The following DNAH1 variants were observed in gnomAD, a reference collection of about 807,000 sequenced individuals.
DNAH1 encodes dynein axonemal heavy chain 1, also known as axonemal beta dynein heavy chain 1.
A neutral mutation model predicts 484.3 loss-of-function variants in DNAH1; 327 were observed. That is an observed-to-expected ratio of 0.68 (90% CI 0.62 to 0.74). DNAH1 has a LOEUF of 0.74. Ranked by LOEUF, DNAH1 falls within the 30% of genes least tolerant of loss-of-function variation. The pLI is 0.00. For missense variants in DNAH1, 5,052 were observed against 5,546.8 expected (o/e 0.91, Z 2.83); for synonymous variants, 2,192 against 2,191.9 (o/e 1.00, Z 0.00).
At chr3:52,370,305 AAG>A (rs1703278254) in intron 39 of DNAH1, 76 bp downstream of exon 39, 3 of 1,571,320 alleles carry the variant, frequency 1.9e-6, no homozygotes, top group East Asian at 2.3e-5. Flanking sequence ...TGGGGCCTGA[AAG>A]AGAGAATTGG....
Position 52,363,128 on chromosome 3 carries a change from A to C in DNAH1, c.5228A>C (p.Glu1743Ala). 6.2e-7 allele frequency: 1 copy of C among 1,613,902 alleles called. No individual in the cohort carries two copies. Among genetic ancestry groups the C allele is most frequent in the Non-Finnish European group, 8.5e-7 (1 of 1,179,838 alleles). ...KITTTFKLSS[E>A]QLSSQDHYDF... is the part of the protein sequence containing the mutation. ...ACAACCACCTTCAAGCTGTCTTCTG[A>C]GCAGCTCAGCTCCCAGGTGTGGTCC... Residue 1743 changes from glutamate to alanine, a missense_variant, in exon 32 of 78, where the codon GAG (glutamate) becomes GCG (alanine). Physicochemically the swap from Glu to Ala is moderately radical, Grantham distance 107. This residue lies in a region of DNAH1 where 2,929 missense variants were observed against 3,409.4 expected (regional missense o/e 0.86). Coordinates refer to ENST00000420323, the MANE Select transcript of DNAH1 (RefSeq NM_015512.5).
chr3:52,386,757 A>G lies in DNAH1; in HGVS notation c.8907A>G (p.Glu2969=), dbSNP rs775377913. ...TCAAGCCCAAGAAGGTGCCTGGAGAAAAGCCAGGCACCAAGGTGGATGACT... is the reference window on the plus strand; with the variant it reads ...TCAAGCCCAAGAAGGTGCCTGGAGAGAAGCCAGGCACCAAGGTGGATGACT... ...KGIKPKKVPG[E]KPGTKVDDYW... is the part of the protein sequence containing the mutation. Residue 2969 remains glutamate (E), a synonymous_variant, in exon 56 of 78, where the codon GAA becomes GAG. Coordinates refer to ENST00000420323, the MANE Select transcript of DNAH1 (RefSeq NM_015512.5). 4.4e-6 allele frequency: 7 copies of G among 1,587,912 alleles called. No individual in the cohort carries two copies. Among genetic ancestry groups the G allele is most frequent in the Non-Finnish European group, 5.1e-6 (6 of 1,167,482 alleles).
intron 65 of DNAH1, 100 bp downstream of exon 65, chr3:52,393,125 C>A: frequency 6.8e-7 from 1 of 1,463,984 alleles, no homozygotes; most frequent in Admixed American, 1.8e-5. Context: ...TGTTCACTGG[C>A]GTACACTCTC....
chr3:52,379,983 C>T lies in DNAH1; in HGVS notation c.7456C>T (p.Arg2486Cys), dbSNP rs755633690. The change falls in exon 48 of 78, where the codon CGC (arginine) becomes TGC (cysteine). Residue 2486 changes from arginine (R) to cysteine (C), a missense_variant. This residue lies in a region of DNAH1 where 2,929 missense variants were observed against 3,409.4 expected (regional missense o/e 0.86). Transcript: ENST00000420323. This position sits in a 1 kb window ranked among gnomAD's most constrained non-coding sequence, Gnocchi z 4.4. The stretch of plus-strand genomic sequence containing the variant: ...GGACCGACTGGTGAATGAGGAGGAC[C>T]GCAGCTGGTTCGACCAGCTCCTCAA... Reference protein sequence around the residue: ...FRDRLVNEEDRSWFDQLLKRC... With the variant: ...FRDRLVNEEDCSWFDQLLKRC... 18 of 1,587,452 alleles carry T rather than the reference C, an allele frequency of 1.1e-5. No individual in the cohort carries two copies. The highest frequency in any genetic ancestry group is 6.9e-5 in the South Asian group (6 of 86,764).
upstream of DNAH1, among the ~76,000 whole-genome samples, chr3:52,314,921 C>T (rs1175924213): frequency 6.6e-6 from 1 of 152,212 alleles, no homozygotes; most frequent in East Asian, 1.9e-4. Context: ...CAGTGGTCTT[C>T]AGTCCACCAG....
chr3:52,360,548 G>A (rs1007226204), intron 28 of DNAH1, 124 bp downstream of exon 28: 4 of 773,256 alleles, frequency 5.2e-6, no homozygotes, highest in African/African-American at 1.7e-5. Flanking sequence ...ACAGGGTTAG[G>A]ACCAAGGGCT....
At chr3:52,327,845 A>C in intron 5 of DNAH1, 37 bp from the exon 6 acceptor site, 1 of 1,607,878 alleles carries the variant, frequency 6.2e-7, no homozygotes, top group Non-Finnish European at 8.5e-7. Flanking sequence ...CCACTAGAGG[A>C]GCTGCTTCTT....
At chr3:52,376,361 G>A (rs1195400879) in intron 46 of DNAH1, among the ~76,000 whole-genome samples, 1 of 152,228 alleles carries the variant, frequency 6.6e-6, no homozygotes, top group African/African-American at 2.4e-5. Context: ...GGCAGGCATC[G>A]TGGTGAATCT....
intron 36 of DNAH1, among the ~76,000 whole-genome samples, chr3:52,367,755 T>C (rs1703148105): frequency 6.6e-6 from 1 of 152,104 alleles, no homozygotes; most frequent in South Asian, 2.1e-4. Context: ...GTATTTTTAG[T>C]AGAGACAAGA....
In DNAH1 at chr3:52,345,507, TC is replaced by T; in HGVS notation, c.1461del (p.Lys488SerfsTer29). The T allele has an allele frequency of 6.4e-7, 1 of 1,565,882 alleles. No individual in the cohort carries two copies. ...CCTATCCCTGCAGGGCTGGTGAGTG[TC>T]CCCAAGTACCACTTCTGGGAGCAGA... is the stretch of plus-strand genomic sequence containing the variant. ...EQVPERGLVSVPKYHFWEQKE... is the reference protein window; with the variant it reads ...EQVPERGLVSXPKYHFWEQKE... On this transcript the variant is annotated frameshift_variant, in exon 10 of 78. Transcript: ENST00000420323. LOFTEE classifies it high-confidence loss of function.
At chr3:52,316,077 G>A (rs1700939692), upstream of DNAH1, among the ~76,000 whole-genome samples, 1 of 152,204 alleles carries the variant, frequency 6.6e-6, no homozygotes, top group South Asian at 2.1e-4. Context: ...CCTGAGAGTG[G>A]ACCCTTTCAG....
rs760152886 is a variant in DNAH1, at chr3:52,381,220, C to T, written c.7609-420C>T. ...GGCTCTATCAGTCGTCCCACCTCAG[C>T]GTCCTGAGTAGCTGGGACCACAGGC... On this transcript the variant is annotated intron_variant, in intron 48 of 77. Transcript: ENST00000420323. The surrounding 1 kb of genome is among the most constrained non-coding windows in gnomAD (Gnocchi z 4.1). Among the ~76,000 whole-genome samples, 10 of 152,172 alleles carry T rather than the reference C, an allele frequency of 6.6e-5. No homozygotes were observed. Among genetic ancestry groups the T allele is most frequent in the Non-Finnish European group, 1.5e-4 (10 of 68,036 alleles).
rs13091360 is a variant in DNAH1, at chr3:52,380,257, G to A, written c.7608+122G>A. 0.041 allele frequency: 35,483 copies of A among 860,472 alleles called. 901 individuals carry two copies. Among genetic ancestry groups the A allele is most frequent in the Non-Finnish European group, 0.047 (26,656 of 561,892 alleles). 53.3% of individuals were successfully genotyped at this position (860,472 alleles called of 1,614,324 possible). A position where few individuals can be genotyped will look rare whatever the true frequency, so the allele number is the denominator to read the frequency against. The stretch of plus-strand genomic sequence containing the variant: ...CACACTATAACCAGGGGGCCAGGAC[G>A]CGGGGTAAGACAGCCAGCTCCAGGA... On this transcript the variant is annotated intron_variant, in intron 48 of 77. Transcript: ENST00000420323.
At chr3:52,376,622 C>G (rs1334564626) in intron 46 of DNAH1, among the ~76,000 whole-genome samples, 2 of 152,174 alleles carry the variant, frequency 1.3e-5, no homozygotes, top group African/African-American at 4.8e-5. Context: ...CACCAGTGCT[C>G]CCTTCGCCAC....
At position 52,355,249 on chromosome 3, in the gene DNAH1, A is replaced by C. The variant is rs1480400211; in HGVS notation, c.3693+194A>C. The stretch of plus-strand genomic sequence containing the variant: ...GGCAACTAGGATGGGCTCTCCATCC[A>C]TGAGGTTCAGCTACTGGATGAGGCA... On this transcript the variant is annotated intron_variant, in intron 21 of 77. Coordinates refer to ENST00000420323, the MANE Select transcript of DNAH1 (RefSeq NM_015512.5). The surrounding 1 kb of genome is among the most constrained non-coding windows in gnomAD (Gnocchi z 4.5). Among the ~76,000 whole-genome samples the C allele has an allele frequency of 6.6e-6, 1 of 152,178 alleles. No homozygotes were observed. Among genetic ancestry groups the C allele is most frequent in the African/African-American group, 2.4e-5 (1 of 41,444 alleles).
intron 34 of DNAH1, among the ~76,000 whole-genome samples, 177 bp from the exon 35 acceptor site, chr3:52,366,280 G>A (rs1703069335): frequency 6.6e-6 from 1 of 152,194 alleles, no homozygotes; most frequent in South Asian, 2.1e-4. Context: ...CAAGTTCTGT[G>A]CTTAGGGCTT....
Position 52,354,992 on chromosome 3 carries a change from A to G in DNAH1, c.3630A>G (p.Ser1210=). ...HIVMTQNMSF[S]PYKKPFEQRI... ...TCATGACCCAGAATATGTCATTTTC[A>G]CCCTACAAGAAGCCCTTTGAGCAGC... Residue 1210 remains serine (S), a synonymous_variant, in exon 21 of 78, where the codon TCA becomes TCG. Coordinates refer to ENST00000420323, the MANE Select transcript of DNAH1 (RefSeq NM_015512.5). The G allele has an allele frequency of 6.2e-7, 1 of 1,613,934 alleles. No individual in the cohort carries two copies. The highest frequency in any genetic ancestry group is 8.5e-7 in the Non-Finnish European group (1 of 1,179,888).
intron 63 of DNAH1, among the ~76,000 whole-genome samples, chr3:52,392,129 G>C (rs1704416659): frequency 6.6e-6 from 1 of 152,204 alleles, no homozygotes; most frequent in Admixed American, 6.5e-5. Flanking sequence ...AAAGCAGGGG[G>C]CAAAAACACC....
chr3:52,324,801 G>A (rs891597876), intron 3 of DNAH1, among the ~76,000 whole-genome samples: 1 of 152,152 alleles, frequency 6.6e-6, no homozygotes, highest in Non-Finnish European at 1.5e-5. Context: ...ACATGGCAGG[G>A]TGGGCTGGGG....
Sources: gnomAD v4.1 joint callset for allele counts (sites outside exome capture counted in the v4.1 genomes callset) on GRCh38, gnomAD v4.1.1 for gene constraint, gnomAD v4.1.1 regional missense constraint, Gnocchi (gnomAD v3.1) non-coding constraint, MANE v1.5 for transcripts, NCBI Gene and HGNC (gene_info 2026-07-23, HGNC 2026-07-21) for gene names.